ROCK2: variants seen among roughly 807,000 people sequenced by gnomAD.
The protein encoded by ROCK2 is Rho associated coiled-coil containing protein kinase 2.
A neutral mutation model predicts 195.1 loss-of-function variants in ROCK2; 61 were observed. The ratio of observed to expected loss-of-function variants is 0.31; its 90% CI spans 0.25 to 0.39. The LOEUF is 0.39. Ranked by LOEUF, ROCK2 falls within the 10% of genes least tolerant of loss-of-function variation. The pLI is 1.00. For synonymous variants in ROCK2, 504 were observed against 545.5 expected (o/e 0.92, Z 1.06); for missense variants, 1,109 against 1,637.4 (o/e 0.68, Z 5.57).
At chr2:11,295,994 A>AG (rs70953383) in intron 1 of ROCK2, among the ~76,000 whole-genome samples, 1 of 34,962 alleles carries the variant, frequency 2.9e-5, no homozygotes, top group Non-Finnish European at 6.2e-5. Context: ...GAGAGAGGAG[A>AG]GAGAGAGAGA....
intron 4 of ROCK2, among the ~76,000 whole-genome samples, chr2:11,240,136 C>T (rs1283994355): frequency 6.6e-6 from 1 of 152,184 alleles, no homozygotes; most frequent in East Asian, 1.9e-4. Flanking sequence ...TTAATTAAAT[C>T]ACTGGCCGAA....
Position 11,180,322 on chromosome 2 carries a change from T to A in ROCK2, c.*3115A>T, listed in dbSNP as rs956139144. On this transcript the variant is annotated 3_prime_UTR_variant, in exon 33 of 33. Transcript: ENST00000315872. ...AGAGTATTTCTGTTTAAGATCTATATATAAATGGATGCAAAATAGATACTT... is the reference window on the plus strand; with the variant it reads ...AGAGTATTTCTGTTTAAGATCTATAAATAAATGGATGCAAAATAGATACTT... 7.9e-5 allele frequency: 12 copies of A among 152,190 alleles called. No individual in the cohort carries two copies. Among genetic ancestry groups the A allele is most frequent in the Admixed American group, 7.9e-4 (12 of 15,280 alleles). 9.4% of individuals were successfully genotyped at this position (152,190 alleles called of 1,614,324 possible).
At chr2:11,198,468 T>C (rs773940130) in intron 25 of ROCK2, 23 bp downstream of exon 25, 6 of 1,483,568 alleles carry the variant, frequency 4.0e-6, no homozygotes, top group South Asian at 3.5e-5. Context: ...TTCAAAATCA[T>C]ATTTAGATTC....
intron 4 of ROCK2, among the ~76,000 whole-genome samples, chr2:11,245,381 AC>A (rs1351668260): frequency 6.6e-6 from 1 of 152,036 alleles, no homozygotes; most frequent in Non-Finnish European, 1.5e-5. Context: ...AACACAGTTA[AC>A]ACCTTATTTC....
chr2:11,232,158 C>T lies in ROCK2; in HGVS notation c.723+3544G>A, dbSNP rs540109334. 6.6e-5 allele frequency among the ~76,000 whole-genome samples: 10 copies of T among 150,894 alleles called. No individual in the cohort carries two copies. The South Asian group carries it at 1.9e-3, about 28-fold the overall frequency. On this transcript the variant is annotated intron_variant, in intron 5 of 32. Coordinates refer to ENST00000315872, the MANE Select transcript of ROCK2 (RefSeq NM_004850.5). Reference sequence around the variant, plus strand: ...TTTTTTTTTCAGACAGGGTCTTGCTCTGTCGCCCAGGCTGGAGGGCTGTGG... The same window carrying T: ...TTTTTTTTTCAGACAGGGTCTTGCTTTGTCGCCCAGGCTGGAGGGCTGTGG...
chr2:11,344,097 G>A lies in ROCK2; in HGVS notation c.40C>T (p.Pro14Ser), dbSNP rs1011980585. The A allele has an allele frequency of 1.3e-6, 2 of 1,513,006 alleles. No individual in the cohort carries two copies. The highest frequency in any genetic ancestry group is 1.5e-5 in the African/African-American group (1 of 65,350). 93.7% of individuals were successfully genotyped at this position (1,513,006 alleles called of 1,614,324 possible). Residue 14 changes from proline to serine, a missense_variant, in exon 1 of 33, where the codon CCC becomes TCC. Pro to Ser is a moderately conservative substitution (Grantham distance 74). Transcript: ENST00000315872. This position sits in a 1 kb window ranked among gnomAD's most constrained non-coding sequence, Gnocchi z 5.4. ...PPPTGKMPGA[P>S]ETAPGDGAGA... ...GCCCCGTCCCCCGGCGCGGTCTCGG[G>A]GGCGCCGGGCATTTTCCCCGTCGGC...
chr2:11,205,007 T>G (rs1019554497), intron 20 of ROCK2, among the ~76,000 whole-genome samples: 2 of 152,184 alleles, frequency 1.3e-5, no homozygotes, highest in Admixed American at 6.5e-5. Flanking sequence ...AATCTCTATG[T>G]ATGTAGGAGT....
At chr2:11,198,449 G>A (rs1663719940) in intron 25 of ROCK2, 42 bp downstream of exon 25, 1 of 1,349,614 alleles carries the variant, frequency 7.4e-7, no homozygotes, top group Non-Finnish European at 1.1e-6. Context: ...GAGATAAACT[G>A]AGACAAAATT....
chr2:11,318,595 C>T (rs1011763169), intron 1 of ROCK2, among the ~76,000 whole-genome samples: 1 of 152,248 alleles, frequency 6.6e-6, no homozygotes, highest in Middle Eastern at 3.4e-3. Context: ...TGCAGAAGCT[C>T]TTTAGTTTAA....
chr2:11,229,622 CAA>C (rs577055622), intron 5 of ROCK2, among the ~76,000 whole-genome samples: 1 of 88,198 alleles, frequency 1.1e-5, no homozygotes, highest in Non-Finnish European at 2.5e-5. Context: ...AAATGCAACA[CAA>C]AAAAAAAAAA....
intron 1 of ROCK2, among the ~76,000 whole-genome samples, chr2:11,337,384 C>A (rs1485904617): frequency 6.6e-6 from 1 of 151,980 alleles, no homozygotes; most frequent in East Asian, 1.9e-4. Flanking sequence ...AAATAAATGA[C>A]CCAATGTTTT....
chr2:11,326,297 G>C (rs1309759294), intron 1 of ROCK2, among the ~76,000 whole-genome samples: 1 of 152,126 alleles, frequency 6.6e-6, no homozygotes, highest in Non-Finnish European at 1.5e-5. Flanking sequence ...AGCCTAAGGA[G>C]AAACAGCTGA....
In ROCK2 at chr2:11,235,982, G is replaced by T; in HGVS notation, c.463-20C>A. Reference sequence around the variant, plus strand: ...AAAAAGCTGGAAAACAAAAGGAAAAGGAAAAATTTTTAAAAACCCAAACCA... The same window carrying T: ...AAAAAGCTGGAAAACAAAAGGAAAATGAAAAATTTTTAAAAACCCAAACCA... On this transcript the variant is annotated intron_variant, in intron 4 of 32. Transcript: ENST00000315872. The surrounding 1 kb of genome is among the most constrained non-coding windows in gnomAD (Gnocchi z 4.2). 7.1e-7 allele frequency: 1 copy of T among 1,401,600 alleles called. No homozygotes were observed. The highest frequency in any genetic ancestry group is 9.3e-7 in the Non-Finnish European group (1 of 1,071,948). 86.8% of individuals were successfully genotyped at this position (1,401,600 alleles called of 1,614,324 possible).
Position 11,183,253 on chromosome 2 carries a change from C to T in ROCK2, c.*184G>A. 4.0e-6 allele frequency: 2 copies of T among 505,882 alleles called. No individual in the cohort carries two copies. Among genetic ancestry groups the T allele is most frequent in the Non-Finnish European group, 7.1e-6 (2 of 280,740 alleles). The allele number at this position is 505,882 out of a possible 1,614,324, so 31.3% of individuals were successfully genotyped here. The stretch of plus-strand genomic sequence containing the variant: ...TCATTGTTGGTTCAACCTGTTGCTT[C>T]AAAGGAGCCCAGATTTGTAATTTAT... On this transcript the variant is annotated 3_prime_UTR_variant, in exon 33 of 33. Coordinates refer to ENST00000315872, the MANE Select transcript of ROCK2 (RefSeq NM_004850.5).
chr2:11,235,673 C>T lies in ROCK2; in HGVS notation c.723+29G>A, dbSNP rs1385825245. On this transcript the variant is annotated intron_variant, in intron 5 of 32. Transcript: ENST00000315872. The surrounding 1 kb of genome is among the most constrained non-coding windows in gnomAD (Gnocchi z 4.2). ...TCATTTATTTCTGTCCCTCAAAACA[C>T]TATCGTTTTAAATAATTTGCTTACT... 2 of 1,578,732 alleles carry T rather than the reference C, an allele frequency of 1.3e-6. No homozygotes were observed. Among genetic ancestry groups the T allele is most frequent in the South Asian group, 1.2e-5 (1 of 84,064 alleles).
intron 32 of ROCK2, among the ~76,000 whole-genome samples, 195 bp from the exon 33 acceptor site, chr2:11,183,635 T>C (rs1320203901): frequency 6.6e-6 from 1 of 152,216 alleles, no homozygotes; most frequent in Admixed American, 6.5e-5. Flanking sequence ...ATTATATTCT[T>C]TCCCAAAACA....
Position 11,344,019 on chromosome 2 carries a change from G to C in ROCK2, c.118C>G (p.Pro40Ala). ...LEALIRDPRS[P>A]INVESLLDGL... The stretch of plus-strand genomic sequence containing the variant: ...ACCAGCAAGCTCTCCACGTTGATGG[G>C]GGAGCGAGGGTCTCGGATCAGCGCC... Residue 40 changes from proline (P) to alanine (A), a missense_variant, in exon 1 of 33, where the codon CCC (proline) becomes GCC (alanine). By Grantham distance (27) the Pro-to-Ala change is conservative (BLOSUM62 -1). Transcript: ENST00000315872. The surrounding 1 kb of genome is among the most constrained non-coding windows in gnomAD (Gnocchi z 5.4). 1 of 1,590,212 alleles carries C rather than the reference G, an allele frequency of 6.3e-7. No homozygotes were observed. The highest frequency in any genetic ancestry group is 8.6e-7 in the Non-Finnish European group (1 of 1,169,444).
chr2:11,342,027 CTAG>C (rs1316567814), intron 1 of ROCK2, among the ~76,000 whole-genome samples: 1 of 152,002 alleles, frequency 6.6e-6, no homozygotes, highest in African/African-American at 2.4e-5. Flanking sequence ...AAAATCCATT[CTAG>C]TAGTTCATAA....
Position 11,181,631 on chromosome 2 carries a change from C to CTGTTTTTT in ROCK2, c.*1805_*1806insAAAAAACA, listed in dbSNP as rs1662996308. 7.7e-6 allele frequency: 1 copy of CTGTTTTTT among 130,114 alleles called. No individual in the cohort carries two copies. Among genetic ancestry groups the CTGTTTTTT allele is most frequent in the Non-Finnish European group, 1.6e-5 (1 of 61,468 alleles). The allele number at this position is 130,114 out of a possible 1,614,324, so 8.1% of individuals were successfully genotyped here. ...TTTCCTTCATCGAAATATTAGATGA[C>CTGTTTTTT]TTTTTTTTTTTTTTTTTTTTGAGAC... On this transcript the variant is annotated 3_prime_UTR_variant, in exon 33 of 33. Transcript: ENST00000315872.
Sources: gnomAD v4.1 joint callset for allele counts (sites outside exome capture counted in the v4.1 genomes callset) on GRCh38, gnomAD v4.1.1 for gene constraint, Gnocchi (gnomAD v3.1) non-coding constraint, MANE v1.5 for transcripts, NCBI Gene and HGNC (gene_info 2026-07-23, HGNC 2026-07-21) for gene names.